The following RASSF3 variants were observed in gnomAD, a reference collection of about 807,000 sequenced individuals.
RASSF3 encodes ras association domain-containing protein 3.
RASSF3 carries 19 observed loss-of-function variants against 19.9 expected under a neutral mutation model. The ratio of observed to expected loss-of-function variants is 0.96; its 90% CI spans 0.67 to 1.40. The LOEUF (loss-of-function observed/expected upper bound fraction) is 1.40, where lower values mean the gene tolerates loss of function less well. Ranked by LOEUF, RASSF3 falls within the 40% of genes most tolerant of loss-of-function variation. The pLI is 0.00. For synonymous variants in RASSF3, 110 were observed against 104.2 expected (o/e 1.06, Z -0.34); for missense variants, 306 against 289.8 (o/e 1.06, Z -0.41).
downstream of RASSF3, among the ~76,000 whole-genome samples, chr12:64,543,351 G>A (rs1868975231): frequency 6.7e-6 from 1 of 149,216 alleles, no homozygotes; most frequent in Non-Finnish European, 1.5e-5. Context: ...TTCTCGCCGG[G>A]CCTTAGCTGC....
chr12:64,579,404 T>G (rs1351388729), intron 2 of RASSF3, among the ~76,000 whole-genome samples: 1 of 141,482 alleles, frequency 7.1e-6, no homozygotes, highest in Non-Finnish European at 1.5e-5. Context: ...CAGGCTGGAG[T>G]GCCGTGGCGC....
At chr12:64,556,656 G>C (rs916136478) in intron 2 of RASSF3, among the ~76,000 whole-genome samples, 2 of 152,082 alleles carry the variant, frequency 1.3e-5, no homozygotes, top group Non-Finnish European at 2.9e-5. Flanking sequence ...CACAGCAGAA[G>C]AGCTGAGCAG....
chr12:64,599,829 G>A (rs1870058918), intron 2 of RASSF3, among the ~76,000 whole-genome samples: 1 of 151,740 alleles, frequency 6.6e-6, no homozygotes, highest in Admixed American at 6.6e-5. Flanking sequence ...TCAGGAGATC[G>A]AGACCATCCT....
intron 1 of RASSF3, among the ~76,000 whole-genome samples, chr12:64,662,772 C>T (rs894283507): frequency 7.9e-5 from 12 of 152,072 alleles, no homozygotes; most frequent in Admixed American, 6.6e-4. Context: ...GACCCCATCC[C>T]GTGTTGAAAT....
chr12:64,594,436 T>A (rs1436287564), intron 2 of RASSF3, among the ~76,000 whole-genome samples: 1 of 152,186 alleles, frequency 6.6e-6, no homozygotes, highest in Non-Finnish European at 1.5e-5. Context: ...TTTTTAATCT[T>A]GTGTGGAATC....
chr12:64,624,175 C>T (rs1402915558), intron 1 of RASSF3, among the ~76,000 whole-genome samples: 2 of 151,856 alleles, frequency 1.3e-5, no homozygotes, highest in Admixed American at 6.6e-5. Flanking sequence ...AACCTAGCAC[C>T]GATATCAACA....
chr12:64,670,370 GTTT>G (rs113065463), intron 1 of RASSF3, among the ~76,000 whole-genome samples: 12 of 143,748 alleles, frequency 8.3e-5, no homozygotes, highest in African/African-American at 2.8e-4. Context: ...AGATTTTACT[GTTT>G]TTTTTTTTTT....
At chr12:64,574,567 T>G (rs892744263) in intron 2 of RASSF3, among the ~76,000 whole-genome samples, 23 of 152,348 alleles carry the variant, frequency 1.5e-4, no homozygotes, top group African/African-American at 5.3e-4. Flanking sequence ...GATATTGGCA[T>G]ATGTGATGCA....
intron 1 of RASSF3, among the ~76,000 whole-genome samples, chr12:64,520,575 T>C (rs1278625016): frequency 1.6e-3 from 80 of 49,794 alleles, no homozygotes; most frequent in African/African-American, 4.2e-3. Flanking sequence ...TATATATATA[T>C]ATATATATAT....
At chr12:64,508,599 T>C (rs979062608) in intron 1 of RASSF3, among the ~76,000 whole-genome samples, 2 of 151,562 alleles carry the variant, frequency 1.3e-5, no homozygotes, top group African/African-American at 4.9e-5. Flanking sequence ...TTTAAAAGCA[T>C]GCAGACCGGG....
chr12:64,673,426 A>G (rs1445679545), intron 1 of RASSF3, among the ~76,000 whole-genome samples: 5 of 152,092 alleles, frequency 3.3e-5, no homozygotes, highest in Admixed American at 3.3e-4. Flanking sequence ...AGTGTTGTAG[A>G]TGGTATTACT....
At chr12:64,524,580 C>G (rs763819868) in intron 1 of RASSF3, among the ~76,000 whole-genome samples, 1 of 152,098 alleles carries the variant, frequency 6.6e-6, no homozygotes. Flanking sequence ...CAGAAGAAGA[C>G]CTCTTATTAT....
intron 2 of RASSF3, among the ~76,000 whole-genome samples, chr12:64,554,089 A>G (rs1473031162): frequency 6.6e-6 from 1 of 152,070 alleles, no homozygotes; most frequent in Non-Finnish European, 1.5e-5. Flanking sequence ...CCATTGGCCC[A>G]GTTTCTGATT....
At chr12:64,631,091 G>A (rs1871153253) in intron 1 of RASSF3, among the ~76,000 whole-genome samples, 1 of 152,084 alleles carries the variant, frequency 6.6e-6, no homozygotes, top group Admixed American at 6.6e-5. Context: ...AAGCAAAAAA[G>A]GTGTCTTTAG....
chr12:64,654,657 T>TGG (rs199913401), intron 1 of RASSF3: 1 of 18,004 alleles, frequency 5.6e-5, no homozygotes, highest in African/African-American at 2.8e-4. Flanking sequence ...GGGGGGGGGG[T>TGG]GGGGGGAAGC....
intron 1 of RASSF3, among the ~76,000 whole-genome samples, chr12:64,665,960 CAGTT>C (rs1347223399): frequency 6.6e-6 from 1 of 152,240 alleles, no homozygotes; most frequent in African/African-American, 2.4e-5. Context: ...TATGTGTTCT[CAGTT>C]ACTCTGAACA....
At chr12:64,584,946 C>T (rs1869770028) in intron 2 of RASSF3, among the ~76,000 whole-genome samples, 2 of 130,462 alleles carry the variant, frequency 1.5e-5, no homozygotes, top group African/African-American at 5.7e-5. Context: ...AGTGCCGTGG[C>T]ATGATCTTGG....
intron 1 of RASSF3, among the ~76,000 whole-genome samples, chr12:64,664,650 A>T (rs1378428837): frequency 2.0e-5 from 3 of 152,214 alleles, no homozygotes. Context: ...ATTCTTTCCC[A>T]ATCTCCCCTT....
intron 2 of RASSF3, among the ~76,000 whole-genome samples, chr12:64,568,132 A>C (rs1192787550): frequency 6.6e-6 from 1 of 152,158 alleles, no homozygotes; most frequent in East Asian, 1.9e-4. Flanking sequence ...CCTGGCTTCA[A>C]GTGATTTTCC....
Sources: allele counts gnomAD v4.1 joint callset (sites outside exome capture counted in the v4.1 genomes callset), GRCh38; gene constraint gnomAD v4.1.1; transcripts MANE v1.5; gene names NCBI Gene and HGNC (gene_info 2026-07-23, HGNC 2026-07-21).